ARHGAP15: variants seen among roughly 807,000 people sequenced by gnomAD.
The protein encoded by ARHGAP15 is Rho GTPase activating protein 15, also known as rho GTPase-activating protein 15.
In ARHGAP15, 51 loss-of-function variants were observed where a neutral mutation model predicts 63.7. The observed-to-expected ratio is 0.80, with a 90% CI of 0.64 to 1.01. ARHGAP15 has a LOEUF of 1.01. ARHGAP15 is among the 50% of genes least tolerant of loss of function. ARHGAP15 has a pLI of 0.00. For missense variants in ARHGAP15, 560 were observed against 564.6 expected (o/e 0.99, Z 0.08); for synonymous variants, 191 against 193.8 (o/e 0.99, Z 0.12).
At chr2:143,547,718 CA>C (rs1695392234) in intron 10 of ARHGAP15, among the ~76,000 whole-genome samples, 3 of 148,918 alleles carry the variant, frequency 2.0e-5, no homozygotes, top group African/African-American at 7.4e-5. Context: ...TTGAAGAAGT[CA>C]GTGAGATTTT....
rs942531528 is a variant in ARHGAP15 at position 143,253,752 on chromosome 2, A to G, written c.474+3152A>G. Among the ~76,000 whole-genome samples, 20 of 150,164 alleles carry G rather than the reference A, an allele frequency of 1.3e-4. 1 individual carries two copies. Among genetic ancestry groups the G allele is most frequent in the Non-Finnish European group, 3.0e-5 (2 of 67,640 alleles). On this transcript the variant is annotated intron_variant, in intron 6 of 13. Transcript: ENST00000295095. ...ATGTATAAAATATATATACTTATAT[A>G]CATAAAATATATATGCAAATATACA...
intron 2 of ARHGAP15, among the ~76,000 whole-genome samples, chr2:143,166,002 G>GA (rs67785845): frequency 3.3e-4 from 25 of 75,286 alleles, no homozygotes; most frequent in South Asian, 1.3e-3. Flanking sequence ...AAGAAAGAAA[G>GA]AAGGAAGGAA....
At chr2:143,164,602 C>T (rs1690427220) in intron 2 of ARHGAP15, among the ~76,000 whole-genome samples, 1 of 151,846 alleles carries the variant, frequency 6.6e-6, no homozygotes, top group Admixed American at 6.6e-5. Context: ...AAATCACATA[C>T]CCAGAGAAAA....
chr2:143,719,602 G>T (rs1490194543), intron 13 of ARHGAP15, among the ~76,000 whole-genome samples: 1 of 151,800 alleles, frequency 6.6e-6, no homozygotes, highest in Non-Finnish European at 1.5e-5. Context: ...ACTTCCCCTG[G>T]TGCTAACTTT....
At chr2:143,745,111 C>T (rs534365155) in intron 13 of ARHGAP15, among the ~76,000 whole-genome samples, 267 of 152,296 alleles carry the variant, frequency 1.8e-3, no homozygotes, top group Admixed American at 4.4e-3. Flanking sequence ...TTAAGGGCAA[C>T]GTGGCTCAAA....
chr2:143,491,815 G>A (rs1439333461), intron 9 of ARHGAP15, among the ~76,000 whole-genome samples: 1 of 151,870 alleles, frequency 6.6e-6, no homozygotes, highest in East Asian at 1.9e-4. Context: ...AGTACTTTAG[G>A]TTTCTACTGC....
chr2:143,646,881 AAAAG>A (rs1680905173), intron 12 of ARHGAP15, among the ~76,000 whole-genome samples: 1 of 152,000 alleles, frequency 6.6e-6, no homozygotes, highest in Non-Finnish European at 1.5e-5. Context: ...AATTTTGACA[AAAAG>A]AAAAGAAAAC....
chr2:143,250,775 T>C (rs566791080), intron 6 of ARHGAP15, among the ~76,000 whole-genome samples, 175 bp downstream of exon 6: 38 of 152,206 alleles, frequency 2.5e-4, no homozygotes, highest in South Asian at 8.3e-4. Flanking sequence ...TTGCTTTTTT[T>C]CTGGCGACTG....
intron 9 of ARHGAP15, among the ~76,000 whole-genome samples, chr2:143,515,994 CT>C (rs1693796965): frequency 6.6e-6 from 1 of 152,072 alleles, no homozygotes; most frequent in Admixed American, 6.6e-5. Flanking sequence ...TCTTTGTTCC[CT>C]CTTTTACTTG....
intron 6 of ARHGAP15, among the ~76,000 whole-genome samples, chr2:143,329,367 A>G (rs1240795294): frequency 1.3e-5 from 2 of 152,208 alleles, no homozygotes; most frequent in Non-Finnish European, 2.9e-5. Flanking sequence ...ACAATCTTCT[A>G]CTGGCCTCAA....
chr2:143,457,426 G>A (rs1247430604), intron 8 of ARHGAP15, among the ~76,000 whole-genome samples: 1 of 151,936 alleles, frequency 6.6e-6, no homozygotes, highest in Non-Finnish European at 1.5e-5. Context: ...TGCACCTGTA[G>A]TCCCAGGAGG....
intron 1 of ARHGAP15, among the ~76,000 whole-genome samples, chr2:143,141,041 T>A (rs1331260169): frequency 6.6e-6 from 1 of 152,178 alleles, no homozygotes; most frequent in Non-Finnish European, 1.5e-5. Context: ...GTGTAGAGCA[T>A]ACACACCCTG....
At chr2:143,336,997 A>G (rs542596679) in intron 6 of ARHGAP15, among the ~76,000 whole-genome samples, 3 of 152,082 alleles carry the variant, frequency 2.0e-5, no homozygotes, top group Non-Finnish European at 4.4e-5. Context: ...GAAGCTGCCA[A>G]TGTGCAGTGT....
At chr2:143,484,986 T>A (rs1306577195) in intron 8 of ARHGAP15, among the ~76,000 whole-genome samples, 2 of 152,190 alleles carry the variant, frequency 1.3e-5, no homozygotes, top group Non-Finnish European at 2.9e-5. Flanking sequence ...CCACAAGGAC[T>A]CAGGCTGTCT....
At chr2:143,528,572 C>T (rs1013237602) in intron 10 of ARHGAP15, among the ~76,000 whole-genome samples, 5 of 152,116 alleles carry the variant, frequency 3.3e-5, no homozygotes, top group East Asian at 3.9e-4. Flanking sequence ...TCCAAATTTA[C>T]TTCCTAGCAG....
chr2:143,311,187 CTG>C (rs1156715869), intron 6 of ARHGAP15, among the ~76,000 whole-genome samples: 1 of 151,936 alleles, frequency 6.6e-6, no homozygotes, highest in East Asian at 1.9e-4. Context: ...GTTTCATAAA[CTG>C]TAACAGGAAT....
rs556355280 is a variant in ARHGAP15 at position 143,513,014 on chromosome 2, A to G, written c.827-6252A>G. Among the ~76,000 whole-genome samples, 5 of 152,228 alleles carry G rather than the reference A, an allele frequency of 3.3e-5. No homozygotes were observed. The South Asian group carries it at 6.2e-4, about 19-fold the overall frequency. ...GTTGCTTTGTTCAAGCTTGGGGCAC[A>G]TGGTGACCTTTGATGTAACCAAGTT... On this transcript the variant is annotated intron_variant, in intron 9 of 13. Coordinates refer to ENST00000295095, the MANE Select transcript of ARHGAP15 (RefSeq NM_018460.4).
chr2:143,557,893 C>G (rs1342658249), intron 11 of ARHGAP15, among the ~76,000 whole-genome samples: 1 of 152,090 alleles, frequency 6.6e-6, no homozygotes, highest in Non-Finnish European at 1.5e-5. Flanking sequence ...GTTTTAAAAT[C>G]ATACAGATGG....
chr2:143,417,298 A>G (rs2105041503), intron 6 of ARHGAP15, among the ~76,000 whole-genome samples: 1 of 152,164 alleles, frequency 6.6e-6, no homozygotes, highest in South Asian at 2.1e-4. Context: ...CATTATGGAG[A>G]TATACCACAC....
Sources: allele counts gnomAD v4.1 joint callset (sites outside exome capture counted in the v4.1 genomes callset), GRCh38; gene constraint gnomAD v4.1.1; transcripts MANE v1.5; gene names NCBI Gene and HGNC (gene_info 2026-07-23, HGNC 2026-07-21).